Variants in PCBP3 observed in about 807,000 individuals in gnomAD.
PCBP3 encodes poly(rC)-binding protein 3.
Under a neutral mutation model 52.7 loss-of-function variants are expected in PCBP3, and 25 were observed. The ratio of observed to expected loss-of-function variants is 0.47; its 90% CI spans 0.35 to 0.66. The LOEUF (loss-of-function observed/expected upper bound fraction) is 0.66. Among genes scored for constraint, PCBP3 ranks in the 30% least tolerant of loss-of-function variants. The pLI is 0.01. For missense variants in PCBP3, 391 were observed against 490.3 expected (o/e 0.80, Z 1.91); for synonymous variants, 162 against 183.0 (o/e 0.89, Z 0.93).
intron 2 of PCBP3, among the ~76,000 whole-genome samples, chr21:45,687,526 T>C (rs1027012434): frequency 6.6e-6 from 1 of 152,036 alleles, no homozygotes; most frequent in Admixed American, 6.6e-5. Context: ...AAGTAGTAAG[T>C]TAGTAAATTT....
At chr21:45,764,168 G>C (rs2089039021) in intron 4 of PCBP3, among the ~76,000 whole-genome samples, 1 of 149,146 alleles carries the variant, frequency 6.7e-6, no homozygotes, top group Admixed American at 6.7e-5. Flanking sequence ...TGTTGCCTGG[G>C]CTGGAGTGCA....
intron 2 of PCBP3, among the ~76,000 whole-genome samples, chr21:45,669,314 T>A (rs889321811): frequency 1.3e-5 from 2 of 152,184 alleles, no homozygotes; most frequent in Non-Finnish European, 2.9e-5. Context: ...AACCCATTCA[T>A]GACTTTATAA....
At chr21:45,844,282 C>T (rs2093758795) in intron 4 of PCBP3, among the ~76,000 whole-genome samples, 1 of 152,088 alleles carries the variant, frequency 6.6e-6, no homozygotes, top group Non-Finnish European at 1.5e-5. Context: ...GTCTTGCACA[C>T]TGCTGCATGG....
chr21:45,833,980 C>T (rs938785236), intron 4 of PCBP3, among the ~76,000 whole-genome samples: 2 of 152,240 alleles, frequency 1.3e-5, no homozygotes, highest in African/African-American at 4.8e-5. Context: ...TTGTCACCAC[C>T]TCTGAGGATG....
rs12329861 is a variant in PCBP3, at chr21:45,737,464, C to G, written c.-162+2035C>G. 0.026 allele frequency among the ~76,000 whole-genome samples: 4,007 copies of G among 152,310 alleles called. 182 individuals carry two copies. Among genetic ancestry groups the G allele is most frequent in the African/African-American group, 0.092 (3,802 of 41,546 alleles). On this transcript the variant is annotated intron_variant, in intron 3 of 17. Coordinates refer to ENST00000681687, the MANE Select transcript of PCBP3 (RefSeq NM_001384156.1). The surrounding 1 kb of genome is among the most constrained non-coding windows in gnomAD (Gnocchi z 4.9). ...CTGTTATGTGCTGTTCCCATTTTCT[C>G]TTCGACTTTGGTGTTGTCCAAATTC... is the stretch of plus-strand genomic sequence containing the variant.
At chr21:45,825,954 A>AT (rs1330398304) in intron 4 of PCBP3, among the ~76,000 whole-genome samples, 3 of 152,222 alleles carry the variant, frequency 2.0e-5, no homozygotes, top group African/African-American at 7.2e-5. Context: ...GAAAGAAAAA[A>AT]ATATATAACT....
Position 45,772,941 on chromosome 21 carries a change from CT to C in PCBP3, c.-126+17493del, listed in dbSNP as rs2089989836. On this transcript the variant is annotated intron_variant, in intron 4 of 17. Transcript: ENST00000681687. ...TTAGTGGGACTATTTGTTTTTTTCC[CT>C]TTTGATTGAGTTCCCTTTATATTCT... is the stretch of plus-strand genomic sequence containing the variant. Among the ~76,000 whole-genome samples, 4 of 151,642 alleles carry C rather than the reference CT, an allele frequency of 2.6e-5. No individual in the cohort carries two copies. The South Asian group carries it at 8.3e-4, about 32-fold the overall frequency.
intron 2 of PCBP3, among the ~76,000 whole-genome samples, chr21:45,683,417 G>A (rs888044956): frequency 1.6e-4 from 25 of 152,148 alleles, no homozygotes; most frequent in African/African-American, 5.8e-4. Flanking sequence ...CTTACTTTGG[G>A]TTAGACACAG....
At chr21:45,863,967 A>G (rs9975259) in intron 5 of PCBP3, among the ~76,000 whole-genome samples, 10,187 of 152,272 alleles carry the variant, frequency 0.067, 1,135 homozygotes, top group African/African-American at 0.23. Flanking sequence ...TCAGATGATG[A>G]GGCTCCCGTC....
At chr21:45,869,830 G>A (rs1052801720) in intron 5 of PCBP3, among the ~76,000 whole-genome samples, 6 of 152,224 alleles carry the variant, frequency 3.9e-5, no homozygotes, top group Admixed American at 1.3e-4. Flanking sequence ...ACAGAGCTGC[G>A]TATGCATTCC....
At chr21:45,940,266 C>T in intron 17 of PCBP3, 67 bp downstream of exon 17, 1 of 1,436,518 alleles carries the variant, frequency 7.0e-7, no homozygotes, top group Non-Finnish European at 9.6e-7. Flanking sequence ...GTTACATCAC[C>T]TGGACGGTCG....
chr21:45,912,252 G>T (rs552242652), intron 11 of PCBP3, among the ~76,000 whole-genome samples: 7 of 152,312 alleles, frequency 4.6e-5, no homozygotes, highest in African/African-American at 1.7e-4. Flanking sequence ...CAGGGAGCTC[G>T]TAGCAGACAT....
chr21:45,764,719 T>C (rs2089124850), intron 4 of PCBP3, among the ~76,000 whole-genome samples: 1 of 152,234 alleles, frequency 6.6e-6, no homozygotes, highest in Admixed American at 6.5e-5. Context: ...AAGCTTTTAA[T>C]TTAAAACAAA....
intron 6 of PCBP3, among the ~76,000 whole-genome samples, chr21:45,897,531 A>G (rs1377559182): frequency 2.6e-5 from 4 of 152,082 alleles, no homozygotes; most frequent in South Asian, 4.1e-4. Flanking sequence ...TCAGGTTGCT[A>G]TGTTGTTCCC....
chr21:45,911,197 G>A (rs750223267), intron 11 of PCBP3, 167 bp downstream of exon 11: 48 of 753,966 alleles, frequency 6.4e-5, no homozygotes, highest in Admixed American at 1.0e-4. Context: ...CGGTATGGGC[G>A]CCACAGGGGT....
At chr21:45,916,236 G>C (rs775501793) in intron 12 of PCBP3, 4 of 152,376 alleles carry the variant, frequency 2.6e-5, no homozygotes, top group Middle Eastern at 3.4e-3. Context: ...CGTGCGCTGA[G>C]GGGGCGGCTC....
At chr21:45,726,029 G>T (rs1288976924) in intron 2 of PCBP3, among the ~76,000 whole-genome samples, 2 of 152,142 alleles carry the variant, frequency 1.3e-5, no homozygotes, top group Non-Finnish European at 2.9e-5. Flanking sequence ...GCACTGGGGT[G>T]CAGGTTTGGT....
intron 2 of PCBP3, among the ~76,000 whole-genome samples, chr21:45,701,041 T>C (rs1168269276): frequency 4.6e-5 from 7 of 152,192 alleles, no homozygotes; most frequent in Non-Finnish European, 1.0e-4. Flanking sequence ...GGTTTAAATC[T>C]CCTCTCACAG....
At chr21:45,900,836 T>C (rs1283583908) in intron 8 of PCBP3, among the ~76,000 whole-genome samples, 161 bp from the exon 9 acceptor site, 1 of 152,246 alleles carries the variant, frequency 6.6e-6, no homozygotes, top group Non-Finnish European at 1.5e-5. Context: ...TAAAATTTCA[T>C]TGTAAAGGAG....
Sources: allele counts gnomAD v4.1 joint callset (sites outside exome capture counted in the v4.1 genomes callset), GRCh38; gene constraint gnomAD v4.1.1; non-coding constraint Gnocchi (gnomAD v3.1); transcripts MANE v1.5; gene names NCBI Gene and HGNC (gene_info 2026-07-23, HGNC 2026-07-21).